The following FMNL2 variants were observed in gnomAD, a reference collection of about 807,000 sequenced individuals.
FMNL2 encodes formin like 2.
A neutral mutation model predicts 130.2 loss-of-function variants in FMNL2; 51 were observed. The ratio of observed to expected loss-of-function variants is 0.39; its 90% confidence interval spans 0.31 to 0.49. FMNL2 has a LOEUF of 0.49. Among genes scored for constraint, FMNL2 ranks in the 20% least tolerant of loss-of-function variants. The pLI, the probability that FMNL2 is intolerant of heterozygous loss-of-function variation, is 0.85. For synonymous variants in FMNL2, 465 were observed against 467.1 expected, an observed-to-expected ratio of 1.00 and a Z score of 0.06; for missense variants, 977 against 1,316.2, an observed-to-expected ratio of 0.74 and a Z score of 3.99.
rs1296082394 is a variant in FMNL2 at position 152,593,902 on chromosome 2, T to TGTGAGAGA, written c.876+12854_876+12855insTGAGAGAG. Among the ~76,000 whole-genome samples the TGTGAGAGA allele has an allele frequency of 3.2e-4, 26 of 81,634 alleles. No homozygotes were observed. The East Asian group carries it at 7.1e-3, about 22-fold the overall frequency. The allele number at this position is 81,634 out of a possible 152,430, so 53.6% of individuals were successfully genotyped here. On this transcript the variant is annotated intron_variant, in intron 9 of 25. Coordinates refer to ENST00000288670, the MANE Select transcript of FMNL2 (RefSeq NM_052905.4). ...GTGTGTGTGTGTGTGTGTGTGTGTGTGAGAGAGAGAGAGAGAGAGAGAGAG... is the reference window on the plus strand; with the variant it reads ...GTGTGTGTGTGTGTGTGTGTGTGTGTGTGAGAGAGAGAGAGAGAGAGAGAGAGAGAGAG...
intron 4 of FMNL2, among the ~76,000 whole-genome samples, chr2:152,556,116 T>C (rs1260667448): frequency 3.3e-5 from 5 of 152,186 alleles, no homozygotes; most frequent in Admixed American, 3.3e-4. Flanking sequence ...AAGTTCCAAG[T>C]CAAGAAGGGG....
At chr2:152,345,371 A>G (rs764664016) in intron 1 of FMNL2, among the ~76,000 whole-genome samples, 1 of 152,166 alleles carries the variant, frequency 6.6e-6, no homozygotes, top group Non-Finnish European at 1.5e-5. Context: ...TCTTTTTTTT[A>G]TTGGCATAGA....
At chr2:152,494,226 T>G (rs1691372143) in intron 1 of FMNL2, among the ~76,000 whole-genome samples, 1 of 152,200 alleles carries the variant, frequency 6.6e-6, no homozygotes, top group Admixed American at 6.5e-5. Context: ...TTTCCTTTTG[T>G]ATGGAGAGTG....
intron 7 of FMNL2, among the ~76,000 whole-genome samples, chr2:152,578,052 G>A (rs1015097481): frequency 6.6e-6 from 1 of 152,160 alleles, no homozygotes. Flanking sequence ...GAGCAGATGC[G>A]AGGGAATGGG....
rs1353570307 is a variant in FMNL2, at chr2:152,335,564, A to AGGGGCCCGGAGC, written c.-39_-28dup. The AGGGGCCCGGAGC allele has an allele frequency of 4.0e-6, 6 of 1,514,826 alleles. No homozygotes were observed. The highest frequency in any genetic ancestry group is 5.4e-6 in the Non-Finnish European group (6 of 1,114,488). The allele number at this position is 1,514,826 out of a possible 1,614,324, so 93.8% of individuals were successfully genotyped here. ...TGTTCTGATTTCCGACGCGCACGCT[A>AGGGGCCCGGAGC]GGGGCCCGGAGCAGCCCCCGGCCCC... On this transcript the variant is annotated 5_prime_UTR_variant, in exon 1 of 26. Coordinates refer to ENST00000288670, the MANE Select transcript of FMNL2 (RefSeq NM_052905.4).
chr2:152,435,520 T>C (rs1042597416), intron 1 of FMNL2, among the ~76,000 whole-genome samples: 8 of 151,764 alleles, frequency 5.3e-5, no homozygotes, highest in Non-Finnish European at 1.5e-5. Flanking sequence ...GCTTTCCACA[T>C]AGTTAGTGGG....
chr2:152,441,769 A>G (rs889124421), intron 1 of FMNL2, among the ~76,000 whole-genome samples: 1 of 151,894 alleles, frequency 6.6e-6, no homozygotes. Flanking sequence ...AGGGAGGCGG[A>G]GTTTGCAGTG....
chr2:152,540,277 T>C (rs1035302475), intron 2 of FMNL2, among the ~76,000 whole-genome samples: 5 of 152,136 alleles, frequency 3.3e-5, no homozygotes, highest in African/African-American at 1.2e-4. Context: ...GGACTACTGC[T>C]AAATCCCCAT....
At chr2:152,645,250 TG>T (rs1683450124) in intron 25 of FMNL2, among the ~76,000 whole-genome samples, 1 of 152,212 alleles carries the variant, frequency 6.6e-6, no homozygotes. Context: ...GTCAGAGAGC[TG>T]GGTGGGAAGA....
At chr2:152,589,648 C>G (rs1039600228) in intron 9 of FMNL2, among the ~76,000 whole-genome samples, 1 of 152,094 alleles carries the variant, frequency 6.6e-6, no homozygotes, top group African/African-American at 2.4e-5. Context: ...CTGCTGTGAG[C>G]TGATCAGAAA....
chr2:152,637,434 G>C (rs1682714147), intron 22 of FMNL2, 139 bp from the exon 23 acceptor site: 1 of 657,480 alleles, frequency 1.5e-6, no homozygotes, highest in African/African-American at 1.8e-5. Flanking sequence ...AGGCAATCTT[G>C]GGAGGTAAGG....
chr2:152,495,977 G>A, intron 1 of FMNL2, among the ~76,000 whole-genome samples: 1 of 151,328 alleles, frequency 6.6e-6, no homozygotes, highest in Non-Finnish European at 1.5e-5. Flanking sequence ...TAGGTGGCAA[G>A]ATTAATTTTA....
rs35854482 is a variant in FMNL2 at position 152,406,760 on chromosome 2, C to CT, written c.117+71043dup. 9.1e-3 allele frequency among the ~76,000 whole-genome samples: 1,390 copies of CT among 152,284 alleles called. 18 individuals carry two copies. Among genetic ancestry groups the CT allele is most frequent in the African/African-American group, 0.027 (1,104 of 41,544 alleles). ...CTTCCAGGCACCACGTACTGTTCCACTTTAAGTCTAAGACGTTTCATTTAC... is the reference window on the plus strand; with the variant it reads ...CTTCCAGGCACCACGTACTGTTCCACTTTTAAGTCTAAGACGTTTCATTTAC... On this transcript the variant is annotated intron_variant, in intron 1 of 25. Transcript: ENST00000288670.
intron 2 of FMNL2, among the ~76,000 whole-genome samples, chr2:152,535,867 C>G (rs759525491): frequency 5.3e-5 from 8 of 152,210 alleles, no homozygotes; most frequent in Non-Finnish European, 7.3e-5. Context: ...ATTGTCCTCT[C>G]CTATCTCACC....
intron 1 of FMNL2, among the ~76,000 whole-genome samples, chr2:152,514,671 T>A (rs1692663038): frequency 6.6e-6 from 1 of 152,166 alleles, no homozygotes; most frequent in Non-Finnish European, 1.5e-5. Context: ...ATTTATAAAT[T>A]GGGCACAGTG....
intron 9 of FMNL2, among the ~76,000 whole-genome samples, chr2:152,588,544 A>C (rs2105759935): frequency 6.6e-6 from 1 of 152,306 alleles, no homozygotes; most frequent in East Asian, 1.9e-4. Context: ...CAGCATAGTC[A>C]ACAGGATCAG....
At chr2:152,366,820 G>A (rs150521224) in intron 1 of FMNL2, among the ~76,000 whole-genome samples, 11 of 152,114 alleles carry the variant, frequency 7.2e-5, no homozygotes, top group African/African-American at 1.9e-4. Context: ...ACAAAAATTA[G>A]CCAGGCTTGG....
intron 1 of FMNL2, among the ~76,000 whole-genome samples, chr2:152,354,009 C>G (rs1201374746): frequency 3.4e-5 from 5 of 147,332 alleles, no homozygotes; most frequent in African/African-American, 7.4e-5. Flanking sequence ...TTTCAAAGTT[C>G]TGGTCCATGC....
intron 15 of FMNL2, among the ~76,000 whole-genome samples, chr2:152,621,455 A>G (rs897100839): frequency 6.6e-6 from 1 of 152,154 alleles, no homozygotes; most frequent in African/African-American, 2.4e-5. Context: ...AATTGCCTCA[A>G]TATTTTAAGG....
Sources: allele counts gnomAD v4.1 joint callset (sites outside exome capture counted in the v4.1 genomes callset), GRCh38; gene constraint gnomAD v4.1.1; transcripts MANE v1.5; gene names NCBI Gene and HGNC (gene_info 2026-07-23, HGNC 2026-07-21).